Variants in TCERG1L observed in about 807,000 individuals in gnomAD.
TCERG1L encodes transcription elongation regulator 1-like protein.
Under a neutral mutation model 56.3 loss-of-function variants are expected in TCERG1L, and 37 were observed. The ratio of observed to expected loss-of-function variants is 0.66; its 90% CI spans 0.51 to 0.87. TCERG1L has a LOEUF of 0.87. Ranked by LOEUF, TCERG1L falls within the 40% of genes least tolerant of loss-of-function variation. TCERG1L has a pLI of 0.00. For missense variants in TCERG1L, 799 were observed against 774.2 expected, an observed-to-expected ratio of 1.03 and a Z score of -0.38; for synonymous variants, 324 against 326.3, an observed-to-expected ratio of 0.99 and a Z score of 0.08.
chr10:131,096,589 T>C (rs1845249323), intron 11 of TCERG1L, among the ~76,000 whole-genome samples: 1 of 152,184 alleles, frequency 6.6e-6, no homozygotes, highest in Non-Finnish European at 1.5e-5. Flanking sequence ...ATAGAAAGCA[T>C]CAATTAATGT....
chr10:131,093,434 G>T, intron 11 of TCERG1L, 116 bp from the exon 12 acceptor site: 1 of 1,262,996 alleles, frequency 7.9e-7, no homozygotes, highest in Non-Finnish European at 1.1e-6. Flanking sequence ...GCCTGGCCGT[G>T]GGTGGCAGGG....
At chr10:131,182,222 C>CA (rs1380773017) in intron 4 of TCERG1L, among the ~76,000 whole-genome samples, 1 of 152,126 alleles carries the variant, frequency 6.6e-6, no homozygotes, top group Non-Finnish European at 1.5e-5. Context: ...GCATGGGAAA[C>CA]AGACCTGAAG....
In TCERG1L at chr10:131,309,189, C is replaced by G. The variant is rs761208770; in HGVS notation, c.453G>C (p.Gly151=). 5 of 1,609,718 alleles carry G rather than the reference C, an allele frequency of 3.1e-6. 1 individual carries two copies. The South Asian group carries it at 5.5e-5, about 18-fold the overall frequency. The change falls in exon 2 of 12, where the codon GGG becomes GGC. Residue 151 remains glycine, a synonymous_variant. Transcript: ENST00000368642. The part of the protein sequence containing the change: ...LCPSALATPI[G]KSWIDKRIPN... ...GAATCCTTTTGTCTATCCAACTTTT[C>G]CCAATAGGGGTTGCAAGAGCAGAAG...
At chr10:131,116,652 G>C (rs560860289) in intron 9 of TCERG1L, 147 bp downstream of exon 9, 6 of 1,100,938 alleles carry the variant, frequency 5.4e-6, no homozygotes, top group Non-Finnish European at 7.8e-6. Context: ...ACTCAGTAAG[G>C]AGGACACATC....
rs182172120 is a variant in TCERG1L, at chr10:131,105,120, G to A, written c.1396-766C>T. On this transcript the variant is annotated intron_variant, in intron 9 of 11. Coordinates refer to ENST00000368642, the MANE Select transcript of TCERG1L (RefSeq NM_174937.4). ...TGATGGTTTGAGGAGCCCTGGTCAG[G>A]TGCATTGCAGGACACTCCTCAGTTG... 8.5e-5 allele frequency among the ~76,000 whole-genome samples: 13 copies of A among 152,336 alleles called. 1 individual carries two copies. Among genetic ancestry groups the A allele is most frequent in the Admixed American group, 7.8e-4 (12 of 15,310 alleles).
Position 131,291,401 on chromosome 10 carries a change from C to CTTTTTTT in TCERG1L, c.670+16803_670+16809dup, listed in dbSNP as rs71009957. Among the ~76,000 whole-genome samples, 232 of 36,592 alleles carry CTTTTTTT rather than the reference C, an allele frequency of 6.3e-3. 69 individuals are homozygous for CTTTTTTT. Among genetic ancestry groups the CTTTTTTT allele is most frequent in the African/African-American group, 8.6e-3 (86 of 10,020 alleles). 24.0% of individuals were successfully genotyped at this position (36,592 alleles called of 152,430 possible). A position where few individuals can be genotyped will look rare whatever the true frequency, so the allele number is the denominator to read the frequency against. On this transcript the variant is annotated intron_variant, in intron 3 of 11. Coordinates refer to ENST00000368642, the MANE Select transcript of TCERG1L (RefSeq NM_174937.4). The stretch of plus-strand genomic sequence containing the variant: ...TGTGTATATTCCATAAACAGCATTT[C>CTTTTTTT]TTTTTTTTTTTTTTTTTTTTTTTTT...
chr10:131,170,922 C>T (rs1283533718), intron 4 of TCERG1L, among the ~76,000 whole-genome samples: 2 of 152,048 alleles, frequency 1.3e-5, no homozygotes, highest in African/African-American at 4.8e-5. Flanking sequence ...CCGAGGTGGG[C>T]GGATCACGAG....
chr10:131,215,567 C>G lies in TCERG1L; in HGVS notation c.856+44692G>C, dbSNP rs768677695. Among the ~76,000 whole-genome samples the G allele has an allele frequency of 1.1e-4, 17 of 152,110 alleles. 1 individual carries two copies. The highest frequency in any genetic ancestry group is 2.4e-4 in the Non-Finnish European group (16 of 68,012). On this transcript the variant is annotated intron_variant, in intron 4 of 11. Coordinates refer to ENST00000368642, the MANE Select transcript of TCERG1L (RefSeq NM_174937.4). ...ACCCGGCTGGAGGAGCAGACCCCAG[C>G]CTGAGGTCAGAGTTCCCGGGACAAA... is the stretch of plus-strand genomic sequence containing the variant.
intron 3 of TCERG1L, among the ~76,000 whole-genome samples, chr10:131,281,880 TA>T (rs1390829566): frequency 2.0e-5 from 3 of 149,106 alleles, no homozygotes; most frequent in Non-Finnish European, 4.5e-5. Flanking sequence ...CTCACGCCTG[TA>T]ATCCCAGCAC....
At chr10:131,172,673 G>A (rs959738190) in intron 4 of TCERG1L, among the ~76,000 whole-genome samples, 2 of 152,222 alleles carry the variant, frequency 1.3e-5, no homozygotes, top group African/African-American at 2.4e-5. Context: ...GGACATGCAC[G>A]CCTGTCCAGT....
intron 3 of TCERG1L, among the ~76,000 whole-genome samples, chr10:131,291,333 A>G (rs1846619091): frequency 6.9e-6 from 1 of 144,706 alleles, no homozygotes; most frequent in Admixed American, 7.1e-5. Context: ...CTGGGATCCT[A>G]TATAGCCAAG....
At chr10:131,289,345 CAG>C (rs201044916) in intron 3 of TCERG1L, among the ~76,000 whole-genome samples, 4,887 of 130,570 alleles carry the variant, frequency 0.037, 269 homozygotes, top group African/African-American at 0.12. Context: ...TTATAAAATA[CAG>C]ACTCATTAAA....
chr10:131,114,166 A>G (rs1333889514), intron 9 of TCERG1L, among the ~76,000 whole-genome samples: 1 of 142,374 alleles, frequency 7.0e-6, no homozygotes, highest in Non-Finnish European at 1.6e-5. Flanking sequence ...CTCCACAAGT[A>G]CATGAATTTC....
intron 3 of TCERG1L, among the ~76,000 whole-genome samples, chr10:131,303,982 CT>C (rs935728014): frequency 1.3e-5 from 2 of 151,982 alleles, no homozygotes; most frequent in Non-Finnish European, 2.9e-5. Flanking sequence ...GAAAATGAAT[CT>C]TTGATGAAGC....
At position 131,112,936 on chromosome 10, in the gene TCERG1L, G is replaced by A. The variant is rs1314657714; in HGVS notation, c.1395+3863C>T. ...GCCCTTGGGGTGTTCAATCCCTAGC[G>A]TTTAGAGGTGGGAGTGGCCAGCACA... On this transcript the variant is annotated intron_variant, in intron 9 of 11. Transcript: ENST00000368642. 4.2e-5 allele frequency among the ~76,000 whole-genome samples: 6 copies of A among 142,270 alleles called. 2 individuals carry two copies. The highest frequency in any genetic ancestry group is 6.3e-5 in the Non-Finnish European group (4 of 63,204). 93.3% of individuals were successfully genotyped at this position (142,270 alleles called of 152,430 possible).
intron 4 of TCERG1L, among the ~76,000 whole-genome samples, chr10:131,180,837 T>TAAAA (rs60303602): frequency 0.45 from 68,126 of 150,078 alleles, 18,206 homozygotes; most frequent in South Asian, 0.68. Context: ...AACGTTTTTG[T>TAAAA]AAAAAAAAAG....
In TCERG1L at chr10:131,093,449, C is replaced by T. The variant is rs922364304; in HGVS notation, c.1605-131G>A. The T allele has an allele frequency of 1.5e-4, 168 of 1,111,206 alleles. 2 individuals carry two copies. The highest frequency in any genetic ancestry group is 6.4e-4 in the South Asian group (42 of 65,606). The allele number at this position is 1,111,206 out of a possible 1,614,324, so 68.8% of individuals were successfully genotyped here. On this transcript the variant is annotated intron_variant, in intron 11 of 11. Transcript: ENST00000368642. ...GCCTGGCCGTGGGTGGCAGGGCACC[C>T]GGTGGGTGAGCGGCTCTGACCAGCC... is the stretch of plus-strand genomic sequence containing the variant.
intron 9 of TCERG1L, among the ~76,000 whole-genome samples, chr10:131,108,080 C>T (rs1313997718): frequency 1.3e-5 from 2 of 152,182 alleles, no homozygotes; most frequent in Non-Finnish European, 2.9e-5. Flanking sequence ...AGCTGCCTAT[C>T]TCTTTTAAGT....
chr10:131,193,823 C>G (rs1845329404), intron 4 of TCERG1L, among the ~76,000 whole-genome samples: 1 of 152,186 alleles, frequency 6.6e-6, no homozygotes. Context: ...TCTATTTGGG[C>G]TCTTCTTTGA....
Sources: gnomAD v4.1 joint callset for allele counts (sites outside exome capture counted in the v4.1 genomes callset) on GRCh38, gnomAD v4.1.1 for gene constraint, MANE v1.5 for transcripts, NCBI Gene and HGNC (gene_info 2026-07-23, HGNC 2026-07-21) for gene names.